ZBTB11: variants seen among roughly 807,000 people sequenced by gnomAD.
ZBTB11 encodes the protein zinc finger and BTB domain-containing protein 11.
A neutral mutation model predicts 113.1 loss-of-function variants in ZBTB11; 68 were observed. The observed-to-expected ratio is 0.60, with a 90% CI of 0.49 to 0.74. ZBTB11 has a LOEUF of 0.74. Ranked by LOEUF, ZBTB11 falls within the 30% of genes least tolerant of loss-of-function variation. The pLI is 0.00. For missense variants in ZBTB11, 1,104 were observed against 1,279.4 expected (o/e 0.86, Z 2.09); for synonymous variants, 518 against 452.6 (o/e 1.14, Z -1.83).
At chr3:101,668,620 C>CA (rs35363315) in intron 3 of ZBTB11, among the ~76,000 whole-genome samples, 52,049 of 117,194 alleles carry the variant, frequency 0.44, 9,646 homozygotes, top group Non-Finnish European at 0.48. Context: ...AAGATTCTGT[C>CA]AAAAAAAAAA....
intron 1 of ZBTB11, among the ~76,000 whole-genome samples, chr3:101,674,031 A>G (rs1277730799): frequency 8.5e-6 from 1 of 117,098 alleles, no homozygotes; most frequent in African/African-American, 3.6e-5. Context: ...ATTCACAGAG[A>G]CTGTTTTTTT....
chr3:101,671,994 T>G lies in ZBTB11; in HGVS notation c.530A>C (p.Lys177Thr). Residue 177 changes from lysine (K) to threonine (T), a missense_variant, in exon 2 of 11, where the codon AAA (lysine) becomes ACA (threonine). Transcript: ENST00000312938. ...ACCACTTACAAACACAAGTTCATGT[T>G]TGGATACTGGCTTCTTTTTTGCAGG... is the stretch of plus-strand genomic sequence containing the variant. ...SKPAKKKPVS[K>T]HELVFVDTKG... 6.2e-7 allele frequency: 1 copy of G among 1,613,970 alleles called. No homozygotes were observed. Among genetic ancestry groups the G allele is most frequent in the Non-Finnish European group, 8.5e-7 (1 of 1,179,844 alleles).
At chr3:101,667,505 G>C (rs1194395022) in intron 3 of ZBTB11, among the ~76,000 whole-genome samples, 2 of 152,186 alleles carry the variant, frequency 1.3e-5, no homozygotes, top group African/African-American at 2.4e-5. Context: ...TATGTAAAGT[G>C]TGGTATTTTA....
In ZBTB11 at chr3:101,672,150, C is replaced by T. The variant is rs1223126543; in HGVS notation, c.374G>A (p.Arg125Gln). The change falls in exon 2 of 11, where the codon CGA becomes CAA. Residue 125 changes from arginine to glutamine, a missense_variant. This residue lies in a region of ZBTB11 where 245 missense variants were observed against 272.5 expected (regional missense o/e 0.90). Coordinates refer to ENST00000312938, the MANE Select transcript of ZBTB11 (RefSeq NM_014415.4). Reference sequence around the variant, plus strand: ...TGAAACATCTGATATTGGACGGGATCGATCTAGTTTCTCCTGGCATTTGCT... The same window carrying T: ...TGAAACATCTGATATTGGACGGGATTGATCTAGTTTCTCCTGGCATTTGCT... ...QCSKCQEKLDRSRPISDVSEM... is the reference protein window; with the variant it reads ...QCSKCQEKLDQSRPISDVSEM... 28 of 1,614,016 alleles carry T rather than the reference C, an allele frequency of 1.7e-5. No individual in the cohort carries two copies. Among genetic ancestry groups the T allele is most frequent in the Admixed American group, 3.3e-5 (2 of 59,996 alleles).
chr3:101,653,936 C>T (rs1936749103), intron 8 of ZBTB11, among the ~76,000 whole-genome samples: 1 of 152,140 alleles, frequency 6.6e-6, no homozygotes, highest in African/African-American at 2.4e-5. Context: ...TGCTGCCTGC[C>T]CAGACTAGTT....
At chr3:101,654,854 C>T (rs762708559) in intron 7 of ZBTB11, 33 bp from the exon 8 acceptor site, 5 of 1,562,494 alleles carry the variant, frequency 3.2e-6, no homozygotes, top group Non-Finnish European at 4.4e-6. Context: ...TGTCACATAT[C>T]CAGCAATCAG....
At chr3:101,667,356 AT>A (rs1327972333) in intron 3 of ZBTB11, among the ~76,000 whole-genome samples, 1 of 152,142 alleles carries the variant, frequency 6.6e-6, no homozygotes, top group Non-Finnish European at 1.5e-5. Context: ...AAATATTCTA[AT>A]TCCGCCTTCT....
rs756002916 is a variant in ZBTB11 at position 101,652,585 on chromosome 3, G to A, written c.2555C>T (p.Ala852Val). 1.2e-6 allele frequency: 2 copies of A among 1,614,018 alleles called. No individual in the cohort carries two copies. Among genetic ancestry groups the A allele is most frequent in the Non-Finnish European group, 1.7e-6 (2 of 1,179,986 alleles). Reference sequence around the variant, plus strand: ...ACACACCCGTTCCAGGTTTTGCTTTGCTCTTCCTTTCTTCCCATGGGTAGC... The same window carrying A: ...ACACACCCGTTCCAGGTTTTGCTTTACTCTTCCTTTCTTCCCATGGGTAGC... ...KKATHGKKGR[A>V]KQNLERVCEK... The change falls in exon 10 of 11, where the codon GCA becomes GTA. Residue 852 changes from alanine to valine, a missense_variant. Physicochemically the swap from Ala to Val is moderately conservative, Grantham distance 64 (BLOSUM62 0). Transcript: ENST00000312938.
intron 7 of ZBTB11, 22 bp from the exon 8 acceptor site, chr3:101,654,843 C>G: frequency 6.3e-7 from 1 of 1,589,272 alleles, no homozygotes; most frequent in Non-Finnish European, 8.6e-7. Flanking sequence ...AATTAAAACC[C>G]TGTCACATAT....
At chr3:101,669,829 GCT>G (rs1491414579) in intron 3 of ZBTB11, among the ~76,000 whole-genome samples, 1 of 144,676 alleles carries the variant, frequency 6.9e-6, no homozygotes, top group Non-Finnish European at 1.5e-5. Flanking sequence ...AGCTATTAGT[GCT>G]TTTTTTTTTT....
At chr3:101,671,055 T>A (rs1937078044) in intron 3 of ZBTB11, 75 bp downstream of exon 3, 9 of 1,241,402 alleles carry the variant, frequency 7.2e-6, no homozygotes. Context: ...AAAGTCCGTG[T>A]GTGGAAGACA....
Position 101,653,741 on chromosome 3 carries a change from A to C in ZBTB11, c.2310-803T>G, listed in dbSNP as rs115446892. On this transcript the variant is annotated intron_variant, in intron 8 of 10. Coordinates refer to ENST00000312938, the MANE Select transcript of ZBTB11 (RefSeq NM_014415.4). ...ACAAACTGGCAAACTGTTAGAATCA[A>C]CCTTACCAGGAACTCTAAAAACTAA... 6.6e-3 allele frequency among the ~76,000 whole-genome samples: 1,003 copies of C among 152,308 alleles called. 17 individuals are homozygous for C. Among genetic ancestry groups the C allele is most frequent in the African/African-American group, 0.022 (935 of 41,568 alleles).
chr3:101,661,966 A>AT (rs973913924), intron 5 of ZBTB11: 4 of 151,308 alleles, frequency 2.6e-5, no homozygotes, highest in African/African-American at 9.7e-5. Context: ...CTTTTCTGAG[A>AT]TTTTTTATAT....
At chr3:101,656,476 A>T (rs899328286) in intron 6 of ZBTB11, among the ~76,000 whole-genome samples, 1 of 152,194 alleles carries the variant, frequency 6.6e-6, no homozygotes, top group African/African-American at 2.4e-5. Context: ...TGTGATCACC[A>T]GAGATTCTCA....
At chr3:101,653,904 C>T (rs538887660) in intron 8 of ZBTB11, among the ~76,000 whole-genome samples, 1 of 152,268 alleles carries the variant, frequency 6.6e-6, no homozygotes, top group South Asian at 2.1e-4. Context: ...GCTTTTGTTT[C>T]CTAAGAGACA....
chr3:101,654,825 T>A lies in ZBTB11; in HGVS notation c.2192-4A>T. The A allele has an allele frequency of 6.2e-7, 1 of 1,610,026 alleles. No individual in the cohort carries two copies. The highest frequency in any genetic ancestry group is 8.5e-7 in the Non-Finnish European group (1 of 1,177,896). On this transcript the variant is annotated splice_polypyrimidine_tract_variant and splice_region_variant and intron_variant, in intron 7 of 10. Coordinates refer to ENST00000312938, the MANE Select transcript of ZBTB11 (RefSeq NM_014415.4). ...GAGCAAAGGTACTTGGACTCTCCTATTAGAAAAAATTAAAACCCTGTCACA... is the reference window on the plus strand; with the variant it reads ...GAGCAAAGGTACTTGGACTCTCCTAATAGAAAAAATTAAAACCCTGTCACA...
chr3:101,661,260 A>C (rs990245143), intron 5 of ZBTB11, among the ~76,000 whole-genome samples: 1 of 150,406 alleles, frequency 6.6e-6, no homozygotes, highest in Non-Finnish European at 1.5e-5. Context: ...AAAAATCATT[A>C]TGTCCTGGGC....
intron 3 of ZBTB11, among the ~76,000 whole-genome samples, chr3:101,668,984 A>C (rs537437050): frequency 6.6e-6 from 1 of 152,196 alleles, no homozygotes; most frequent in African/African-American, 2.4e-5. Flanking sequence ...GGACTTCAAA[A>C]TCCAGGGGTA....
chr3:101,660,687 T>C (rs1936873076), intron 5 of ZBTB11, among the ~76,000 whole-genome samples: 1 of 152,216 alleles, frequency 6.6e-6, no homozygotes, highest in South Asian at 2.1e-4. Context: ...TACTTAGATA[T>C]GTAAATGATT....
Sources: allele counts gnomAD v4.1 joint callset (sites outside exome capture counted in the v4.1 genomes callset), GRCh38; gene constraint gnomAD v4.1.1; regional missense constraint gnomAD v4.1.1; transcripts MANE v1.5; gene names NCBI Gene and HGNC (gene_info 2026-07-23, HGNC 2026-07-21).